The following TTC5 variants were observed in gnomAD, a reference collection of about 807,000 sequenced individuals.
TTC5 encodes the protein tetratricopeptide repeat domain 5.
A neutral mutation model predicts 57.4 loss-of-function variants in TTC5; 46 were observed. That is an observed-to-expected ratio of 0.80 (90% CI 0.63 to 1.03). The LOEUF (loss-of-function observed/expected upper bound fraction) is 1.03, where lower values mean the gene tolerates loss of function less well. TTC5 is among the 50% of genes least tolerant of loss of function. TTC5 has a pLI of 0.00. For synonymous variants in TTC5, 190 were observed against 203.5 expected, an observed-to-expected ratio of 0.93 and a Z score of 0.57; for missense variants, 504 against 528.1, an observed-to-expected ratio of 0.95 and a Z score of 0.45.
intron 1 of TTC5, 29 bp downstream of exon 1, chr14:20,305,858 C>G: frequency 6.2e-7 from 1 of 1,611,394 alleles, no homozygotes; most frequent in Non-Finnish European, 8.5e-7. Flanking sequence ...GTAACAAAAA[C>G]ACATACAGAA....
At position 20,292,775 on chromosome 14, in the gene TTC5, A is replaced by G. The variant is rs575298925; in HGVS notation, c.1059-648T>C. On this transcript the variant is annotated intron_variant, in intron 8 of 9. Transcript: ENST00000258821. ...TTGGGCTGTGGGAGCCCAGAGGACAAATATCTAAATCAAAATTGGAAAGCA... is the reference window on the plus strand; with the variant it reads ...TTGGGCTGTGGGAGCCCAGAGGACAGATATCTAAATCAAAATTGGAAAGCA... 4 of 152,344 alleles carry G rather than the reference A, an allele frequency of 2.6e-5. No individual in the cohort carries two copies. The East Asian group carries it at 7.7e-4, about 29-fold the overall frequency. 9.4% of individuals were successfully genotyped at this position (152,344 alleles called of 1,614,324 possible). A position where few individuals can be genotyped will look rare whatever the true frequency, so the allele number is the denominator to read the frequency against.
Position 20,298,871 on chromosome 14 carries a change from A to G in TTC5, c.565T>C (p.Tyr189His). Residue 189 changes from tyrosine (Y) to histidine (H), a missense_variant, in exon 5 of 10, where the codon TAT becomes CAT. Transcript: ENST00000258821. ...CCAGTAGAGAAGTAAAGGGAAAGAT[A>G]TGAATTCCCAAGAATATCTGAAAGA... ...GRSWYILGNSYLSLYFSTGQN... is the reference protein window; with the variant it reads ...GRSWYILGNSHLSLYFSTGQN... 1 of 1,613,070 alleles carries G rather than the reference A, an allele frequency of 6.2e-7. No individual in the cohort carries two copies. The highest frequency in any genetic ancestry group is 8.5e-7 in the Non-Finnish European group (1 of 1,179,034).
rs1188363171 is a variant in TTC5 at position 20,287,693 on chromosome 14, C to G, written c.*1934G>C. ...CACCTACTGGCCATTTTTCTACTCT[C>G]TAGCCCTACACAGAACATGTCAACT... On this transcript the variant is annotated 3_prime_UTR_variant, in exon 10 of 10. Coordinates refer to ENST00000258821, the MANE Select transcript of TTC5 (RefSeq NM_138376.3). 6.6e-6 allele frequency: 1 copy of G among 152,218 alleles called. No homozygotes were observed. Among genetic ancestry groups the G allele is most frequent in the Admixed American group, 6.5e-5 (1 of 15,280 alleles). 9.4% of individuals were successfully genotyped at this position (152,218 alleles called of 1,614,324 possible). A position where few individuals can be genotyped will look rare whatever the true frequency, so the allele number is the denominator to read the frequency against.
At position 20,299,465 on chromosome 14, in the gene TTC5, C is replaced by G. The variant is rs779755449; in HGVS notation, c.397-17G>C. ...GTTCCTGCACTGCAAATAGGAAGGG[C>G]ACATACTCAATCTTCCTGATTCTAC... On this transcript the variant is annotated splice_polypyrimidine_tract_variant and intron_variant, in intron 3 of 9. Coordinates refer to ENST00000258821, the MANE Select transcript of TTC5 (RefSeq NM_138376.3). 6.2e-7 allele frequency: 1 copy of G among 1,611,832 alleles called. No individual in the cohort carries two copies. Among genetic ancestry groups the G allele is most frequent in the Non-Finnish European group, 8.5e-7 (1 of 1,179,624 alleles).
chr14:20,297,589 G>A (rs1385074241), intron 5 of TTC5, among the ~76,000 whole-genome samples: 1 of 152,052 alleles, frequency 6.6e-6, no homozygotes, highest in Non-Finnish European at 1.5e-5. Flanking sequence ...TGGCCAACAT[G>A]GTGAAACCCC....
At chr14:20,295,070 G>A in intron 8 of TTC5, 1 of 506,468 alleles carries the variant, frequency 2.0e-6, no homozygotes, top group South Asian at 2.6e-5. Flanking sequence ...ATGGATATAG[G>A]AATCCACATA....
At chr14:20,297,014 AAAAT>A (rs1432339619) in intron 5 of TTC5, among the ~76,000 whole-genome samples, 2 of 152,328 alleles carry the variant, frequency 1.3e-5, no homozygotes, top group East Asian at 3.9e-4. Context: ...CATCTCAAAA[AAAAT>A]AAATAAATGA....
chr14:20,300,561 T>C, intron 3 of TTC5, 46 bp downstream of exon 3: 1 of 1,525,954 alleles, frequency 6.6e-7, no homozygotes, highest in Non-Finnish European at 8.8e-7. Flanking sequence ...CCAAAGAAAT[T>C]CATCCTTCCC....
At chr14:20,298,714 CTA>C (rs749760003) in intron 5 of TTC5, 81 bp downstream of exon 5, 25 of 1,031,768 alleles carry the variant, frequency 2.4e-5, no homozygotes, top group Non-Finnish European at 3.4e-5. Flanking sequence ...ATGATGCTTG[CTA>C]AAGGGCCACA....
intron 3 of TTC5, among the ~76,000 whole-genome samples, chr14:20,299,993 C>T (rs1882148757): frequency 6.6e-6 from 1 of 150,746 alleles, no homozygotes; most frequent in Non-Finnish European, 1.5e-5. Context: ...CACATACAAC[C>T]ATGCCCATCT....
intron 2 of TTC5, among the ~76,000 whole-genome samples, chr14:20,301,595 AG>A (rs1157519028): frequency 6.6e-6 from 1 of 152,244 alleles, no homozygotes; most frequent in Non-Finnish European, 1.5e-5. Flanking sequence ...GCAGAAAGTC[AG>A]ATTACTGCAA....
At chr14:20,300,568 T>G (rs1229629520) in intron 3 of TTC5, 39 bp downstream of exon 3, 2 of 1,548,732 alleles carry the variant, frequency 1.3e-6, no homozygotes, top group African/African-American at 1.4e-5. Flanking sequence ...AATTCATCCT[T>G]CCCATCTCTG....
At chr14:20,294,054 C>T (rs1470510864) in intron 8 of TTC5, 1 of 152,150 alleles carries the variant, frequency 6.6e-6, no homozygotes, top group Non-Finnish European at 1.5e-5. Context: ...GAATCACACT[C>T]ATGCCATCAC....
At chr14:20,295,895 A>AAACTATCC in intron 6 of TTC5, 41 bp from the exon 7 acceptor site, 1 of 1,515,982 alleles carries the variant, frequency 6.6e-7, no homozygotes, top group Non-Finnish European at 8.8e-7. Flanking sequence ...ATATCCAGAC[A>AAACTATCC]AACTATCCCG....
intron 5 of TTC5, among the ~76,000 whole-genome samples, chr14:20,298,417 C>T (rs1399212348): frequency 6.6e-6 from 1 of 152,080 alleles, no homozygotes; most frequent in East Asian, 1.9e-4. Flanking sequence ...TTAATTTACA[C>T]TGAAGTATAA....
rs1264270892 is a variant in TTC5 at position 20,295,441 on chromosome 14, T to G, written c.929A>C (p.Gln310Pro). The G allele has an allele frequency of 1.9e-6, 3 of 1,614,084 alleles. No homozygotes were observed. Among genetic ancestry groups the G allele is most frequent in the South Asian group, 2.2e-5 (2 of 91,090 alleles). The change falls in exon 8 of 10, where the codon CAG (glutamine) becomes CCG (proline). Residue 310 changes from glutamine (Q) to proline (P), a missense_variant. Transcript: ENST00000258821. ...HLGPCSDGHY[Q>P]SASGQKVTLE... ...GGTCACTTTCTGCCCAGAGGCTGACTGATAGTGCCCATCACTGCAAGGGCC... is the reference window on the plus strand; with the variant it reads ...GGTCACTTTCTGCCCAGAGGCTGACGGATAGTGCCCATCACTGCAAGGGCC...
rs372325480 is a variant in TTC5, at chr14:20,287,433, C to G, written c.*2194G>C. ...TAGTAAAAAAAGAAAAACTGGAAAC[C>G]CAAATATCCTTTAACAACAGGATGA... is the stretch of plus-strand genomic sequence containing the variant. On this transcript the variant is annotated 3_prime_UTR_variant, in exon 10 of 10. Transcript: ENST00000258821. 5 of 152,136 alleles carry G rather than the reference C, an allele frequency of 3.3e-5. No individual in the cohort carries two copies. Among genetic ancestry groups the G allele is most frequent in the East Asian group, 1.9e-4 (1 of 5,188 alleles). 9.4% of individuals were successfully genotyped at this position (152,136 alleles called of 1,614,324 possible).
In TTC5 at chr14:20,286,672, C is replaced by G. The variant is rs563616047; in HGVS notation, c.*2955G>C. ...TAAGAACCTCTTAAAACACAAAAAG[C>G]ATTATCATAAAAGATGGATAAATTC... On this transcript the variant is annotated 3_prime_UTR_variant, in exon 10 of 10. Transcript: ENST00000258821. The G allele has an allele frequency of 6.6e-6, 1 of 151,402 alleles. No homozygotes were observed. Among genetic ancestry groups the G allele is most frequent in the Admixed American group, 6.6e-5 (1 of 15,206 alleles). 9.4% of individuals were successfully genotyped at this position (151,402 alleles called of 1,614,324 possible). A position where few individuals can be genotyped will look rare whatever the true frequency, so the allele number is the denominator to read the frequency against.
intron 9 of TTC5, 23 bp from the exon 10 acceptor site, chr14:20,289,769 G>A (rs1270308180): frequency 3.8e-6 from 6 of 1,599,384 alleles, no homozygotes; most frequent in Non-Finnish European, 5.1e-6. Flanking sequence ...GACAGACAAA[G>A]GTTCACTACA....
Sources: allele counts gnomAD v4.1 joint callset (sites outside exome capture counted in the v4.1 genomes callset), GRCh38; gene constraint gnomAD v4.1.1; transcripts MANE v1.5; gene names NCBI Gene and HGNC (gene_info 2026-07-23, HGNC 2026-07-21).